GOLGA3: variants seen among roughly 807,000 people sequenced by gnomAD.
GOLGA3 encodes golgin subfamily A member 3.
Under a neutral mutation model 169.4 loss-of-function variants are expected in GOLGA3, and 75 were observed. The observed-to-expected ratio is 0.44, with a 90% CI of 0.37 to 0.54. The LOEUF (loss-of-function observed/expected upper bound fraction) is 0.54. GOLGA3 is among the 20% of genes least tolerant of loss of function. The pLI is 0.00. For synonymous variants in GOLGA3, 824 were observed against 822.4 expected (o/e 1.00, Z -0.03); for missense variants, 1,899 against 1,930.0 (o/e 0.98, Z 0.30).
chr12:132,825,706 G>A lies in GOLGA3; in HGVS notation c.-184+3097C>T, dbSNP rs1162803249. ...TTTTTTCAGTGGCCGGGAAGATGGCGGACATTCAGACTGAGCGTGCCTACC... is the reference window on the plus strand; with the variant it reads ...TTTTTTCAGTGGCCGGGAAGATGGCAGACATTCAGACTGAGCGTGCCTACC... On this transcript the variant is annotated intron_variant, in intron 1 of 23. Transcript: ENST00000450791. 2.0e-5 allele frequency: 27 copies of A among 1,364,380 alleles called. No individual in the cohort carries two copies. In the East Asian group the frequency reaches 2.7e-4, roughly 14 times the overall value. 84.5% of individuals were successfully genotyped at this position (1,364,380 alleles called of 1,614,324 possible). A position where few individuals can be genotyped will look rare whatever the true frequency, so the allele number is the denominator to read the frequency against.
chr12:132,796,427 C>G, intron 10 of GOLGA3, 112 bp downstream of exon 10: 2 of 1,312,676 alleles, frequency 1.5e-6, no homozygotes, highest in East Asian at 2.3e-5. Flanking sequence ...CAACTCCCAC[C>G]TGAGCGGACG....
chr12:132,822,560 G>A (rs1192327223), intron 1 of GOLGA3, among the ~76,000 whole-genome samples: 1 of 152,218 alleles, frequency 6.6e-6, no homozygotes, highest in East Asian at 1.9e-4. Flanking sequence ...ACATTCTGCT[G>A]GGACAGCGCA....
chr12:132,808,382 C>T lies in GOLGA3; in HGVS notation c.687G>A (p.Pro229=), dbSNP rs769443626. ...RGPKVGSLGL[P]AHPREKKTSK... is the part of the protein sequence containing the mutation. ...AAGTTTTTTTCTCCCTAGGATGTGC[C>T]GGAAGCCCCAGGCTGCCCACCTTAG... Residue 229 remains proline, a synonymous_variant, in exon 5 of 24, where the codon CCG becomes CCA. Transcript: ENST00000450791. 9 of 1,613,916 alleles carry T rather than the reference C, an allele frequency of 5.6e-6. No homozygotes were observed. In the Admixed American group the frequency reaches 6.7e-5, roughly 12 times the overall value.
At chr12:132,820,044 G>A (rs554357078) in intron 2 of GOLGA3, among the ~76,000 whole-genome samples, 21 of 152,300 alleles carry the variant, frequency 1.4e-4, no homozygotes, top group African/African-American at 4.3e-4. Flanking sequence ...GGGCGTGGTG[G>A]CACATGCCTG....
rs1029490115 is a variant in GOLGA3, at chr12:132,769,541, G to C, written c.*3564C>G. On this transcript the variant is annotated 3_prime_UTR_variant, in exon 24 of 24. Transcript: ENST00000450791. Reference sequence around the variant, plus strand: ...ATCCATATTGCAGAGAGTGGGAACGGGTGTGAGTCCGTAAGACCCGTAGCA... The same window carrying C: ...ATCCATATTGCAGAGAGTGGGAACGCGTGTGAGTCCGTAAGACCCGTAGCA... 6.6e-6 allele frequency: 1 copy of C among 152,188 alleles called. No individual in the cohort carries two copies. The highest frequency in any genetic ancestry group is 2.4e-5 in the African/African-American group (1 of 41,424). 9.4% of individuals were successfully genotyped at this position (152,188 alleles called of 1,614,324 possible).
rs373159506 is a variant in GOLGA3 at position 132,786,465 on chromosome 12, G to A, written c.2997C>T (p.Tyr999=). 1.1e-5 allele frequency: 17 copies of A among 1,613,618 alleles called. No homozygotes were observed. Among genetic ancestry groups the A allele is most frequent in the Middle Eastern group, 1.6e-4 (1 of 6,082 alleles). ...QKEMKTKHKA[Y]ENAVGILSRR... ...GGCTGAGGATGCCCACGGCGTTCTC[G>A]TAGGCCTTATGTTTGGTCTTCATCT... The change falls in exon 15 of 24, where the codon TAC becomes TAT. Residue 999 remains tyrosine, a synonymous_variant. Coordinates refer to ENST00000450791, the MANE Select transcript of GOLGA3 (RefSeq NM_001389683.1).
intron 7 of GOLGA3, among the ~76,000 whole-genome samples, chr12:132,802,412 C>T (rs1350634495): frequency 7.9e-5 from 12 of 151,978 alleles, no homozygotes; most frequent in Admixed American, 3.9e-4. Flanking sequence ...CAGGGGTGCA[C>T]GCCCAGGAGA....
chr12:132,773,158 C>T lies in GOLGA3; in HGVS notation c.4444G>A (p.Asp1482Asn), dbSNP rs769521039. ...PPGGHAGPRG[D>N]PQRHSQSRAS... ...CTGCTCTGACTGTGTCTCTGTGGGT[C>T]GCCGCGTGGGCCGGCGTGACCCCCC... Residue 1482 changes from aspartate (D) to asparagine (N), a missense_variant, in exon 24 of 24, where the codon GAC (aspartate) becomes AAC (asparagine). Transcript: ENST00000450791. 21 of 1,583,980 alleles carry T rather than the reference C, an allele frequency of 1.3e-5. No homozygotes were observed. The highest frequency in any genetic ancestry group is 1.2e-4 in the East Asian group (5 of 43,224).
rs1321010931 is a variant in GOLGA3 at position 132,771,285 on chromosome 12, A to ACAGACAC, written c.*1813_*1819dup. ...CACACCATACTGTTTTCTCCACAAA[A>ACAGACAC]CAGACACCAGACACCGACATGAGCA... On this transcript the variant is annotated 3_prime_UTR_variant, in exon 24 of 24. Coordinates refer to ENST00000450791, the MANE Select transcript of GOLGA3 (RefSeq NM_001389683.1). 3 of 152,614 alleles carry ACAGACAC rather than the reference A, an allele frequency of 2.0e-5. No homozygotes were observed. The highest frequency in any genetic ancestry group is 4.4e-5 in the Non-Finnish European group (3 of 68,048). The allele number at this position is 152,614 out of a possible 1,614,324, so 9.5% of individuals were successfully genotyped here. A position where few individuals can be genotyped will look rare whatever the true frequency, so the allele number is the denominator to read the frequency against.
intron 1 of GOLGA3, chr12:132,826,255 AAAAG>A (rs1950412411): frequency 1.6e-6 from 2 of 1,272,002 alleles, no homozygotes; most frequent in Non-Finnish European, 2.2e-6. Context: ...AAAAAAAAAA[AAAAG>A]AAACTGGAAG....
At chr12:132,818,132 G>A (rs1950069661) in intron 2 of GOLGA3, among the ~76,000 whole-genome samples, 1 of 145,938 alleles carries the variant, frequency 6.9e-6, no homozygotes, top group Non-Finnish European at 1.5e-5. Context: ...GCTCTAAGGT[G>A]AACCCACCCT....
chr12:132,771,077 T>C lies in GOLGA3; in HGVS notation c.*2028A>G, dbSNP rs1230831553. On this transcript the variant is annotated 3_prime_UTR_variant, in exon 24 of 24. Transcript: ENST00000450791. ...AACTTAAGATAAAAAGTAGGATATATTTATAATGAAATTTTCAAGTATTAT... is the reference window on the plus strand; with the variant it reads ...AACTTAAGATAAAAAGTAGGATATACTTATAATGAAATTTTCAAGTATTAT... 1.3e-5 allele frequency: 2 copies of C among 152,626 alleles called. No homozygotes were observed. Among genetic ancestry groups the C allele is most frequent in the Non-Finnish European group, 2.9e-5 (2 of 68,036 alleles). 9.5% of individuals were successfully genotyped at this position (152,626 alleles called of 1,614,324 possible). A position where few individuals can be genotyped will look rare whatever the true frequency, so the allele number is the denominator to read the frequency against.
At chr12:132,808,677 A>C (rs1357725283) in intron 4 of GOLGA3, 128 bp from the exon 5 acceptor site, 5 of 760,338 alleles carry the variant, frequency 6.6e-6, no homozygotes, top group Non-Finnish European at 1.1e-5. Flanking sequence ...CCACCTCCCC[A>C]GCCCCTCACC....
At chr12:132,800,078 G>A (rs762417789) in intron 8 of GOLGA3, among the ~76,000 whole-genome samples, 2 of 152,154 alleles carry the variant, frequency 1.3e-5, no homozygotes, top group African/African-American at 2.4e-5. Flanking sequence ...CTTGGCCTAC[G>A]TCTTTAAATA....
intron 2 of GOLGA3, among the ~76,000 whole-genome samples, chr12:132,818,780 G>A (rs1234831495): frequency 6.6e-6 from 1 of 152,034 alleles, no homozygotes; most frequent in Admixed American, 6.6e-5. Flanking sequence ...AAGGCGAAGA[G>A]GTGGATGATG....
intron 21 of GOLGA3, 28 bp from the exon 22 acceptor site, chr12:132,775,333 A>C (rs746254753): frequency 3.6e-5 from 57 of 1,583,416 alleles, no homozygotes; most frequent in Non-Finnish European, 4.8e-5. Flanking sequence ...AGATTTTTAA[A>C]AGCTAACAGA....
chr12:132,810,138 C>T (rs1949629483), intron 4 of GOLGA3, among the ~76,000 whole-genome samples: 1 of 152,150 alleles, frequency 6.6e-6, no homozygotes, highest in Admixed American at 6.5e-5. Context: ...ATCTCAGCTA[C>T]TTGGGAGGAT....
intron 9 of GOLGA3, among the ~76,000 whole-genome samples, chr12:132,797,414 T>C (rs1948900686): frequency 6.6e-6 from 1 of 152,124 alleles, no homozygotes; most frequent in Non-Finnish European, 1.5e-5. Flanking sequence ...ATCGAGTAGG[T>C]GACACTATCC....
chr12:132,822,699 T>C (rs1425076167), intron 1 of GOLGA3, among the ~76,000 whole-genome samples: 2 of 152,190 alleles, frequency 1.3e-5, no homozygotes, highest in African/African-American at 4.8e-5. Flanking sequence ...GGCAGGCAGA[T>C]CACCTGAGGT....
Sources: gnomAD v4.1 joint callset for allele counts (sites outside exome capture counted in the v4.1 genomes callset) on GRCh38, gnomAD v4.1.1 for gene constraint, MANE v1.5 for transcripts, NCBI Gene and HGNC (gene_info 2026-07-23, HGNC 2026-07-21) for gene names.